The following MED13 variants were observed in gnomAD, a reference collection of about 807,000 sequenced individuals.
The protein encoded by MED13 is mediator of RNA polymerase II transcription subunit 13.
Under a neutral mutation model 225.2 loss-of-function variants are expected in MED13, and 23 were observed. The ratio of observed to expected loss-of-function variants is 0.10; its 90% CI spans 0.07 to 0.14. The LOEUF (loss-of-function observed/expected upper bound fraction) is 0.14. MED13 is among the 10% of genes least tolerant of loss of function. The pLI is 1.00. For synonymous variants in MED13, 942 were observed against 889.2 expected (o/e 1.06, Z -1.06); for missense variants, 2,197 against 2,594.5 (o/e 0.85, Z 3.33).
At chr17:62,034,988 G>C (rs576894761) in intron 4 of MED13, among the ~76,000 whole-genome samples, 2 of 152,018 alleles carry the variant, frequency 1.3e-5, no homozygotes, top group Non-Finnish European at 2.9e-5. Context: ...AGGCTTGGTG[G>C]AACGCGCCTG....
At chr17:61,983,680 T>C (rs2080223949) in intron 15 of MED13, among the ~76,000 whole-genome samples, 1 of 150,646 alleles carries the variant, frequency 6.6e-6, no homozygotes, top group South Asian at 2.1e-4. Context: ...GGAATACAAA[T>C]CAAGCATAAT....
intron 10 of MED13, among the ~76,000 whole-genome samples, chr17:61,993,099 C>G (rs904351489): frequency 3.3e-5 from 5 of 151,694 alleles, no homozygotes; most frequent in African/African-American, 1.2e-4. Flanking sequence ...AAAGTAGAGA[C>G]TCTAATGTGC....
At chr17:61,952,823 G>A in intron 27 of MED13, 142 bp downstream of exon 27, 1 of 883,266 alleles carries the variant, frequency 1.1e-6, no homozygotes, top group Non-Finnish European at 1.7e-6. Flanking sequence ...TTTTAGTAGA[G>A]ATGGGGTTTC....
At chr17:62,052,516 T>C in intron 3 of MED13, 21 bp downstream of exon 3, 1 of 1,519,708 alleles carries the variant, frequency 6.6e-7, no homozygotes. Context: ...AAATATCACG[T>C]CAGAATTTAA....
In MED13 at chr17:61,995,269, A is replaced by G. The variant is rs1336751669; in HGVS notation, c.2064T>C (p.Asp688=). The change falls in exon 10 of 30, where the codon GAT becomes GAC. Residue 688 remains aspartate (D), a synonymous_variant. Coordinates refer to ENST00000397786, the MANE Select transcript of MED13 (RefSeq NM_005121.3). ...GATCAATTTTAGGTTCTTGTTCTGC[A>G]TCAGATGCTATTGCTGAAAGACACT... ...KNQCLSAIAS[D]AEQEPKIDPY... is the part of the protein sequence containing the mutation. The G allele has an allele frequency of 6.2e-7, 1 of 1,613,808 alleles. No homozygotes were observed. The highest frequency in any genetic ancestry group is 8.5e-7 in the Non-Finnish European group (1 of 1,179,856).
At chr17:62,062,652 T>C (rs758466789) in intron 2 of MED13, among the ~76,000 whole-genome samples, 1 of 151,838 alleles carries the variant, frequency 6.6e-6, no homozygotes, top group African/African-American at 2.4e-5. Flanking sequence ...CCAGTACTTT[T>C]AGAATCATCT....
chr17:62,065,008 G>T, intron 1 of MED13, 132 bp downstream of exon 1: 1 of 713,002 alleles, frequency 1.4e-6, no homozygotes, highest in Non-Finnish European at 2.1e-6. Context: ...GCGGAGCTTC[G>T]CAGGGCGCCG....
chr17:62,021,752 C>T (rs540009879), intron 8 of MED13, among the ~76,000 whole-genome samples: 7 of 152,258 alleles, frequency 4.6e-5, no homozygotes, highest in South Asian at 2.1e-4. Context: ...TGAGTAAAAT[C>T]GGTAGAACCT....
At chr17:61,976,202 T>C (rs1157994566) in intron 16 of MED13, among the ~76,000 whole-genome samples, 2 of 152,292 alleles carry the variant, frequency 1.3e-5, no homozygotes, top group Non-Finnish European at 2.9e-5. Flanking sequence ...AAATACGGTA[T>C]CTTCATACAA....
At chr17:62,019,727 C>T (rs1603403510) in intron 8 of MED13, among the ~76,000 whole-genome samples, 1 of 151,432 alleles carries the variant, frequency 6.6e-6, no homozygotes, top group African/African-American at 2.4e-5. Flanking sequence ...TTAGAGAGTA[C>T]AATTGAATTT....
chr17:61,958,512 T>C (rs1243643802), intron 23 of MED13, among the ~76,000 whole-genome samples: 1 of 152,060 alleles, frequency 6.6e-6, no homozygotes, highest in Non-Finnish European at 1.5e-5. Context: ...CTAATTTTTG[T>C]ATTTTTAGTA....
At chr17:62,063,928 T>C (rs570453392) in intron 1 of MED13, among the ~76,000 whole-genome samples, 2 of 152,324 alleles carry the variant, frequency 1.3e-5, no homozygotes, top group East Asian at 3.9e-4. Context: ...TTATTACATG[T>C]GAAGAGATGC....
At chr17:61,996,014 A>C (rs2080343944) in intron 9 of MED13, among the ~76,000 whole-genome samples, 1 of 152,224 alleles carries the variant, frequency 6.6e-6, no homozygotes, top group Non-Finnish European at 1.5e-5. Context: ...ACAGCAACTA[A>C]GAAATTGTTT....
At chr17:61,966,234 T>A (rs1223626556) in intron 19 of MED13, among the ~76,000 whole-genome samples, 1 of 152,220 alleles carries the variant, frequency 6.6e-6, no homozygotes, top group Non-Finnish European at 1.5e-5. Flanking sequence ...TCATTAGGGA[T>A]CAGCAAACTT....
At chr17:62,009,651 CT>C (rs2143582657) in intron 9 of MED13, among the ~76,000 whole-genome samples, 1 of 152,270 alleles carries the variant, frequency 6.6e-6, no homozygotes, top group South Asian at 2.1e-4. Flanking sequence ...ATACCAGTTG[CT>C]GAACTGCAAC....
chr17:62,031,517 A>G lies in MED13; in HGVS notation c.936T>C (p.Pro312=). 1.2e-6 allele frequency: 2 copies of G among 1,614,058 alleles called. No homozygotes were observed. The highest frequency in any genetic ancestry group is 1.6e-4 in the Middle Eastern group (1 of 6,062). The change falls in exon 6 of 30, where the codon CCT becomes CCC. Residue 312 remains proline (P), a synonymous_variant. Coordinates refer to ENST00000397786, the MANE Select transcript of MED13 (RefSeq NM_005121.3). ...ACATAGCAGGATCTCTTGTGGAAGC[A>G]GGCACTTGGTGGACACCCAAGCAAG... ...SSSCLGVHQV[P]ASTRDPAMSS... is the part of the protein sequence containing the mutation.
intron 8 of MED13, among the ~76,000 whole-genome samples, chr17:62,016,121 A>T (rs1327282973): frequency 7.2e-6 from 1 of 139,570 alleles, no homozygotes; most frequent in Non-Finnish European, 1.6e-5. Context: ...GTAAAAGAGC[A>T]TTTTTTTTTT....
At chr17:61,998,949 T>TA (rs2080370010) in intron 9 of MED13, among the ~76,000 whole-genome samples, 1 of 89,054 alleles carries the variant, frequency 1.1e-5, no homozygotes, top group Admixed American at 1.3e-4. Flanking sequence ...TTTTTTTTTT[T>TA]ACCGTCTCCT....
At chr17:61,975,706 G>C (rs921036713) in intron 16 of MED13, among the ~76,000 whole-genome samples, 1 of 151,972 alleles carries the variant, frequency 6.6e-6, no homozygotes, top group South Asian at 2.1e-4. Flanking sequence ...GGATGACAGA[G>C]TGAGACTCTG....
Sources: allele counts gnomAD v4.1 joint callset (sites outside exome capture counted in the v4.1 genomes callset), GRCh38; gene constraint gnomAD v4.1.1; transcripts MANE v1.5; gene names NCBI Gene and HGNC (gene_info 2026-07-23, HGNC 2026-07-21).